Variants in GALNT17 observed in about 807,000 individuals in gnomAD.
GALNT17 encodes the protein polypeptide N-acetylgalactosaminyltransferase 17.
Under a neutral mutation model 63.7 loss-of-function variants are expected in GALNT17, and 29 were observed. The observed-to-expected ratio is 0.46, with a 90% CI of 0.34 to 0.62. The LOEUF is 0.62. GALNT17 is among the 20% of genes least tolerant of loss of function. GALNT17 has a pLI of 0.01. For synonymous variants in GALNT17, 305 were observed against 318.3 expected, an observed-to-expected ratio of 0.96 and a Z score of 0.45; for missense variants, 603 against 799.6, an observed-to-expected ratio of 0.75 and a Z score of 2.97.
At chr7:71,437,684 C>A (rs1426652208) in intron 5 of GALNT17, among the ~76,000 whole-genome samples, 2 of 152,016 alleles carry the variant, frequency 1.3e-5, no homozygotes, top group East Asian at 1.9e-4. Context: ...GGTTCTGGAG[C>A]CTGTTTCAGT....
intron 1 of GALNT17, among the ~76,000 whole-genome samples, chr7:71,147,622 A>G (rs2116200260): frequency 6.6e-6 from 1 of 152,028 alleles, no homozygotes; most frequent in East Asian, 1.9e-4. Context: ...TGCATTCTCC[A>G]AGGACCATTT....
At chr7:71,190,802 T>G (rs1788937618) in intron 1 of GALNT17, among the ~76,000 whole-genome samples, 1 of 151,342 alleles carries the variant, frequency 6.6e-6, no homozygotes, top group Admixed American at 6.7e-5. Context: ...CACCTGTATT[T>G]TGTATTTTTT....
intron 2 of GALNT17, among the ~76,000 whole-genome samples, chr7:71,356,085 C>T (rs1792279504): frequency 6.6e-6 from 1 of 152,054 alleles, no homozygotes. Context: ...TCAAGCGATT[C>T]TCCTGCCTCA....
chr7:71,257,647 G>A (rs892110072), intron 1 of GALNT17, among the ~76,000 whole-genome samples: 2 of 152,172 alleles, frequency 1.3e-5, no homozygotes, highest in African/African-American at 4.8e-5. Context: ...GCTGTATTCA[G>A]TCACTGGTCT....
At chr7:71,628,703 C>T (rs768710512) in intron 6 of GALNT17, among the ~76,000 whole-genome samples, 1 of 151,432 alleles carries the variant, frequency 6.6e-6, no homozygotes, top group African/African-American at 2.4e-5. Context: ...GGCTGAGGCA[C>T]GTGAATCACT....
chr7:71,665,564 CAT>C lies in GALNT17; in HGVS notation c.1235_1236del (p.His412ArgfsTer15), dbSNP rs1396076396. 3 of 1,614,032 alleles carry C rather than the reference CAT, an allele frequency of 1.9e-6. No individual in the cohort carries two copies. Among genetic ancestry groups the C allele is most frequent in the African/African-American group, 1.3e-5 (1 of 75,034 alleles). ...AEVWMDDYKSHVYIAWNLPLE... is the reference protein window; with the variant it reads ...AEVWMDDYKSXVYIAWNLPLE... ...GGTCTGGATGGACGATTACAAGTCTCATGTGTACATAGCGTGGAACCTGCCGC... is the reference window on the plus strand; with the variant it reads ...GGTCTGGATGGACGATTACAAGTCTCGTGTACATAGCGTGGAACCTGCCGC... On this transcript the variant is annotated frameshift_variant, in exon 7 of 11. Coordinates refer to ENST00000333538, the MANE Select transcript of GALNT17 (RefSeq NM_022479.3). LOFTEE classifies it high-confidence loss of function.
At chr7:71,679,364 C>T (rs532985070) in intron 9 of GALNT17, among the ~76,000 whole-genome samples, 36 of 152,232 alleles carry the variant, frequency 2.4e-4, no homozygotes, top group African/African-American at 8.7e-4. Context: ...TGCCACTGCA[C>T]TCCTGGGTGA....
chr7:71,282,332 A>G (rs977834711), intron 1 of GALNT17, among the ~76,000 whole-genome samples: 1 of 152,226 alleles, frequency 6.6e-6, no homozygotes, highest in Non-Finnish European at 1.5e-5. Flanking sequence ...GGAACCTTTT[A>G]GCCTGGTGGG....
chr7:71,446,372 G>A (rs778726843), intron 5 of GALNT17, among the ~76,000 whole-genome samples: 2 of 151,822 alleles, frequency 1.3e-5, no homozygotes, highest in African/African-American at 4.8e-5. Flanking sequence ...AACACCCAAC[G>A]ATAACCATAA....
At chr7:71,389,964 G>T (rs1003976375) in intron 3 of GALNT17, among the ~76,000 whole-genome samples, 1 of 152,148 alleles carries the variant, frequency 6.6e-6, no homozygotes, top group Non-Finnish European at 1.5e-5. Context: ...GGACAAAGGC[G>T]TGGCATCCAG....
rs183294638 is a variant in GALNT17, at chr7:71,416,527, G to A, written c.764+464G>A. On this transcript the variant is annotated intron_variant, in intron 4 of 10. Transcript: ENST00000333538. ...CTTGGGAGGCTGAGGCAGGAGAATCGCTTGAACTTGGGATGCCAAGGTTGC... is the reference window on the plus strand; with the variant it reads ...CTTGGGAGGCTGAGGCAGGAGAATCACTTGAACTTGGGATGCCAAGGTTGC... 2.4e-4 allele frequency among the ~76,000 whole-genome samples: 37 copies of A among 152,086 alleles called. No homozygotes were observed. In the East Asian group the frequency reaches 2.9e-3, roughly 12 times the overall value.
In GALNT17 at chr7:71,132,525, A is replaced by C; in HGVS notation, c.-278A>C. Reference sequence around the variant, plus strand: ...CCCTCAAATCCCTGGCCTTTCGCGGAGACGCCTGGACGGGGCCGTGCGCCG... The same window carrying C: ...CCCTCAAATCCCTGGCCTTTCGCGGCGACGCCTGGACGGGGCCGTGCGCCG... On this transcript the variant is annotated 5_prime_UTR_variant, in exon 1 of 11. Transcript: ENST00000333538. The C allele has an allele frequency of 7.3e-6, 3 of 412,942 alleles. No homozygotes were observed. The highest frequency in any genetic ancestry group is 1.3e-5 in the Non-Finnish European group (3 of 231,976). The allele number at this position is 412,942 out of a possible 1,614,324, so 25.6% of individuals were successfully genotyped here.
intron 2 of GALNT17, among the ~76,000 whole-genome samples, chr7:71,350,445 A>C (rs1792169863): frequency 6.6e-6 from 1 of 152,194 alleles, no homozygotes; most frequent in African/African-American, 2.4e-5. Context: ...TCTGACCCTT[A>C]AAATCCCTGG....
At chr7:71,321,921 T>TCCTTCCTA (rs1791620329) in intron 1 of GALNT17, among the ~76,000 whole-genome samples, 1 of 32,186 alleles carries the variant, frequency 3.1e-5, no homozygotes, top group African/African-American at 9.3e-5. Context: ...CTTCCTTCCT[T>TCCTTCCTA]CCCCTCCCTC....
intron 6 of GALNT17, among the ~76,000 whole-genome samples, chr7:71,629,229 T>G (rs4263633): frequency 0.89 from 135,101 of 151,808 alleles, 62,140 homozygotes; most frequent in Non-Finnish European, 1. Context: ...GGCAGAGGAA[T>G]AGGGGAGGCC....
intron 5 of GALNT17, among the ~76,000 whole-genome samples, chr7:71,440,126 C>T (rs1429968347): frequency 2.6e-5 from 4 of 151,702 alleles, no homozygotes; most frequent in Non-Finnish European, 5.9e-5. Context: ...GGCAGGATTT[C>T]ACCATGTTGG....
chr7:71,247,507 A>AGATT (rs1790120964), intron 1 of GALNT17, among the ~76,000 whole-genome samples: 1 of 152,084 alleles, frequency 6.6e-6, no homozygotes, highest in Non-Finnish European at 1.5e-5. Context: ...TCCCACTGAC[A>AGATT]GTGCAGTGGC....
intron 1 of GALNT17, among the ~76,000 whole-genome samples, chr7:71,176,319 G>T (rs976098524): frequency 3.9e-5 from 6 of 152,126 alleles, no homozygotes; most frequent in African/African-American, 7.2e-5. Context: ...TCTTGACGGG[G>T]TGTGGCAAGA....
chr7:71,544,601 G>A (rs1475009626), intron 5 of GALNT17, among the ~76,000 whole-genome samples: 1 of 152,172 alleles, frequency 6.6e-6, no homozygotes, highest in Non-Finnish European at 1.5e-5. Flanking sequence ...GATAGAGGAG[G>A]CTCTCCAAAG....
Sources: allele counts gnomAD v4.1 joint callset (sites outside exome capture counted in the v4.1 genomes callset), GRCh38; gene constraint gnomAD v4.1.1; transcripts MANE v1.5; gene names NCBI Gene and HGNC (gene_info 2026-07-23, HGNC 2026-07-21).